Variants in TBC1D9 observed in about 807,000 individuals in gnomAD.
The protein encoded by TBC1D9 is TBC1 domain family member 9.
A neutral mutation model predicts 132.0 loss-of-function variants in TBC1D9; 63 were observed. That is an observed-to-expected ratio of 0.48 (90% CI 0.39 to 0.59). The LOEUF (loss-of-function observed/expected upper bound fraction) is 0.59, where lower values mean the gene tolerates loss of function less well. Among genes scored for constraint, TBC1D9 ranks in the 20% least tolerant of loss-of-function variants. The pLI is 0.00. For missense variants in TBC1D9, 1,261 were observed against 1,592.7 expected, an observed-to-expected ratio of 0.79 and a Z score of 3.54; for synonymous variants, 610 against 609.9, an observed-to-expected ratio of 1.00 and a Z score of 0.00.
At chr4:140,745,449 C>T (rs979545368) in intron 1 of TBC1D9, among the ~76,000 whole-genome samples, 15 of 152,188 alleles carry the variant, frequency 9.9e-5, no homozygotes, top group African/African-American at 3.1e-4. Flanking sequence ...TCACCTGAGA[C>T]AGCAATACCA....
In TBC1D9 at chr4:140,706,867, G is replaced by C. The variant is rs1439317189; in HGVS notation, c.131-5253C>G. Among the ~76,000 whole-genome samples, 1 of 152,018 alleles carries C rather than the reference G, an allele frequency of 6.6e-6. No individual in the cohort carries two copies. Among genetic ancestry groups the C allele is most frequent in the Non-Finnish European group, 1.5e-5 (1 of 68,026 alleles). ...TATTGTGCAATATTCCACTATATAA[G>C]TATATTACAACTTATCTGTTTTCCT... On this transcript the variant is annotated intron_variant, in intron 1 of 20. Coordinates refer to ENST00000442267, the MANE Select transcript of TBC1D9 (RefSeq NM_015130.3). This position sits in a 1 kb window ranked among gnomAD's most constrained non-coding sequence, Gnocchi z 4.0.
At chr4:140,747,759 T>C (rs1738860432) in intron 1 of TBC1D9, among the ~76,000 whole-genome samples, 1 of 152,132 alleles carries the variant, frequency 6.6e-6, no homozygotes, top group Non-Finnish European at 1.5e-5. Context: ...TAGGAGTTAG[T>C]ACCACCAAAG....
intron 1 of TBC1D9, among the ~76,000 whole-genome samples, chr4:140,709,248 TCA>T (rs36222926): frequency 0.2 from 20,519 of 103,486 alleles, 2,294 homozygotes; most frequent in Non-Finnish European, 0.26. Flanking sequence ...TCTCTCTCTC[TCA>T]CACACACACA....
At chr4:140,752,200 A>G (rs1443942969) in intron 1 of TBC1D9, among the ~76,000 whole-genome samples, 1 of 152,250 alleles carries the variant, frequency 6.6e-6, no homozygotes, top group African/African-American at 2.4e-5. Context: ...AAAGAGATGA[A>G]TAAATTGTGG....
At chr4:140,724,466 C>G (rs1383356382) in intron 1 of TBC1D9, among the ~76,000 whole-genome samples, 1 of 152,158 alleles carries the variant, frequency 6.6e-6, no homozygotes, top group Admixed American at 6.5e-5. Flanking sequence ...CTAACCAGCA[C>G]TGATGCATAC....
At chr4:140,650,162 A>G (rs1029752873) in intron 13 of TBC1D9, among the ~76,000 whole-genome samples, 1 of 152,278 alleles carries the variant, frequency 6.6e-6, no homozygotes, top group African/African-American at 2.4e-5. Context: ...CTCTAAGCAC[A>G]GTGCCCAGTA....
chr4:140,621,926 C>T lies in TBC1D9; in HGVS notation c.*269G>A. On this transcript the variant is annotated 3_prime_UTR_variant, in exon 21 of 21. Coordinates refer to ENST00000442267, the MANE Select transcript of TBC1D9 (RefSeq NM_015130.3). ...AGTTATAATACACACATATCACTGA[C>T]AGATTCATCTTTTTGTTTTTTAGAA... is the stretch of plus-strand genomic sequence containing the variant. 2.8e-6 allele frequency: 1 copy of T among 360,542 alleles called. No individual in the cohort carries two copies. Among genetic ancestry groups the T allele is most frequent in the African/African-American group, 2.1e-5 (1 of 48,466 alleles). The allele number at this position is 360,542 out of a possible 1,614,324, so 22.3% of individuals were successfully genotyped here. A position where few individuals can be genotyped will look rare whatever the true frequency, so the allele number is the denominator to read the frequency against.
intron 1 of TBC1D9, among the ~76,000 whole-genome samples, chr4:140,724,154 G>A (rs72720313): frequency 0.045 from 6,892 of 152,256 alleles, 211 homozygotes; most frequent in South Asian, 0.096. Context: ...TTGTGAATGG[G>A]ACCAAACAGG....
At chr4:140,686,964 G>T (rs1578840533) in intron 2 of TBC1D9, among the ~76,000 whole-genome samples, 2 of 152,262 alleles carry the variant, frequency 1.3e-5, no homozygotes, top group Middle Eastern at 3.4e-3. Flanking sequence ...TGAATGAGAT[G>T]TGAAAATGGA....
At chr4:140,636,956 G>C (rs529053767) in intron 15 of TBC1D9, among the ~76,000 whole-genome samples, 1 of 152,292 alleles carries the variant, frequency 6.6e-6, no homozygotes, top group African/African-American at 2.4e-5. Flanking sequence ...GCAGGGTTTT[G>C]AGTATAAGAA....
intron 6 of TBC1D9, 70 bp downstream of exon 6, chr4:140,676,824 A>T (rs987476390): frequency 6.4e-7 from 1 of 1,560,236 alleles, no homozygotes; most frequent in Non-Finnish European, 8.7e-7. Context: ...TGGTAAAAAA[A>T]TTATTCCTGG....
chr4:140,644,454 GGGCTC>G (rs1737067634), intron 13 of TBC1D9: 2 of 295,830 alleles, frequency 6.8e-6, no homozygotes, highest in Non-Finnish European at 1.3e-5. Context: ...CGATGGCGGC[GGGCTC>G]ACCGCCTTGC....
chr4:140,748,242 A>T (rs575595132), intron 1 of TBC1D9, among the ~76,000 whole-genome samples: 2 of 152,362 alleles, frequency 1.3e-5, no homozygotes, highest in African/African-American at 4.8e-5. Context: ...AAAATAATTA[A>T]AAGTGGTTGG....
intron 4 of TBC1D9, 51 bp from the exon 5 acceptor site, chr4:140,679,254 T>C: frequency 1.3e-6 from 2 of 1,573,582 alleles, no homozygotes; most frequent in Admixed American, 1.8e-5. Context: ...GAAAACGCTT[T>C]CAAGATATTG....
chr4:140,705,184 T>G lies in TBC1D9; in HGVS notation c.131-3570A>C, dbSNP rs137972485. On this transcript the variant is annotated intron_variant, in intron 1 of 20. Transcript: ENST00000442267. ...CAGAAGTGCTGAGTCCTTTCATGCC[T>G]GGATAACACTGATCACTCAAAATGT... Among the ~76,000 whole-genome samples the G allele has an allele frequency of 9.5e-4, 144 of 152,310 alleles. 1 individual carries two copies. The East Asian group carries it at 0.025, about 27-fold the overall frequency.
At chr4:140,661,177 G>A (rs887955926) in intron 10 of TBC1D9, among the ~76,000 whole-genome samples, 3 of 152,196 alleles carry the variant, frequency 2.0e-5, no homozygotes, top group African/African-American at 7.2e-5. Context: ...GCTTACCAAA[G>A]TGTTGGGATT....
intron 1 of TBC1D9, among the ~76,000 whole-genome samples, chr4:140,747,772 G>A (rs944243968): frequency 1.3e-5 from 2 of 152,154 alleles, no homozygotes; most frequent in Admixed American, 1.3e-4. Context: ...CACCAAAGAG[G>A]TAGGGCAGCT....
chr4:140,645,112 T>C, intron 13 of TBC1D9: 1 of 552,952 alleles, frequency 1.8e-6, no homozygotes, highest in Non-Finnish European at 3.4e-6. Flanking sequence ...TTCAGGCCTT[T>C]AGGAGCACAG....
chr4:140,699,760 T>C (rs1738034201), intron 2 of TBC1D9, among the ~76,000 whole-genome samples: 1 of 152,114 alleles, frequency 6.6e-6, no homozygotes, highest in Non-Finnish European at 1.5e-5. Flanking sequence ...GAACAAACAA[T>C]GGACTTTACT....
Sources: gnomAD v4.1 joint callset for allele counts (sites outside exome capture counted in the v4.1 genomes callset) on GRCh38, gnomAD v4.1.1 for gene constraint, Gnocchi (gnomAD v3.1) non-coding constraint, MANE v1.5 for transcripts, NCBI Gene and HGNC (gene_info 2026-07-23, HGNC 2026-07-21) for gene names.